Variants in CCDC38 observed in about 807,000 individuals in gnomAD.
The protein encoded by CCDC38 is coiled-coil domain-containing protein 38.
In CCDC38, 69 loss-of-function variants were observed where a neutral mutation model predicts 72.8. That is an observed-to-expected ratio of 0.95 (90% CI 0.78 to 1.16). The LOEUF (loss-of-function observed/expected upper bound fraction) is 1.16. Ranked by LOEUF, CCDC38 falls within the 50% of genes most tolerant of loss-of-function variation. The probability of loss-of-function intolerance (pLI) is 0.00; values close to 1 mark genes in which losing one functional copy is unlikely to be tolerated. For missense variants in CCDC38, 626 were observed against 638.9 expected (o/e 0.98, Z 0.22); for synonymous variants, 201 against 213.2 (o/e 0.94, Z 0.50).
At position 95,917,289 on chromosome 12, in the gene CCDC38, T is replaced by C. The variant is rs770065319; in HGVS notation, c.144A>G (p.Lys48=). 13 of 1,590,890 alleles carry C rather than the reference T, an allele frequency of 8.2e-6. No individual in the cohort carries two copies. In the African/African-American group the frequency reaches 1.6e-4, roughly 20 times the overall value. ...AGACTTTCATGTTACGGTTCATAAA[T>C]TTTTCCTGCCCAAGTGGAAAAGTTG... The part of the protein sequence containing the change: ...ENEMAAKETE[K]FMNRNMKVYQ... Residue 48 remains lysine, a synonymous_variant, in exon 4 of 16, where the codon AAA becomes AAG. Coordinates refer to ENST00000344280, the MANE Select transcript of CCDC38 (RefSeq NM_182496.3).
chr12:95,915,005 A>G (rs1206486168), intron 4 of CCDC38, among the ~76,000 whole-genome samples: 1 of 152,208 alleles, frequency 6.6e-6, no homozygotes, highest in Admixed American at 6.5e-5. Context: ...TGTAGCTTTC[A>G]TTTGATCATT....
rs759270278 is a variant in CCDC38 at position 95,878,337 on chromosome 12, G to A, written c.1152C>T (p.Asn384=). ...TTTCTTGCTCCAAAAGAAACTCTAT[G>A]TTGCTATTTCTATTACAAAAGAAGA... ...EKVIQDKTNS[N]IEFLLEQEKM... Residue 384 remains asparagine, a synonymous_variant, in exon 13 of 16, where the codon AAC becomes AAT. Transcript: ENST00000344280. The A allele has an allele frequency of 6.2e-7, 1 of 1,611,280 alleles. No individual in the cohort carries two copies.
At chr12:95,902,061 A>G (rs2079955826) in intron 5 of CCDC38, among the ~76,000 whole-genome samples, 1 of 152,154 alleles carries the variant, frequency 6.6e-6, no homozygotes, top group Non-Finnish European at 1.5e-5. Context: ...TGATATCTAA[A>G]GAGGGTTTTT....
At position 95,939,802 on chromosome 12, in the gene CCDC38, G is replaced by A. The variant is rs2080430335; in HGVS notation, c.-15+2629C>T. On this transcript the variant is annotated intron_variant, in intron 1 of 15. Coordinates refer to ENST00000344280, the MANE Select transcript of CCDC38 (RefSeq NM_182496.3). ...TAATTGTTGTGTTCCTTTAATAGCT[G>A]TACAATTATATGTGGTCTCTGAGTC... Among the ~76,000 whole-genome samples, 3 of 152,182 alleles carry A rather than the reference G, an allele frequency of 2.0e-5. No homozygotes were observed. In the South Asian group the frequency reaches 6.2e-4, roughly 31 times the overall value.
At chr12:95,905,117 A>T in intron 5 of CCDC38, among the ~76,000 whole-genome samples, 1 of 152,230 alleles carries the variant, frequency 6.6e-6, no homozygotes, top group East Asian at 1.9e-4. Context: ...ACCAATGTAA[A>T]TGCTATATAT....
chr12:95,888,248 T>C (rs2079782221), intron 10 of CCDC38, among the ~76,000 whole-genome samples: 1 of 152,180 alleles, frequency 6.6e-6, no homozygotes, highest in African/African-American at 2.4e-5. Flanking sequence ...GCGGGGCAGA[T>C]AGCTTCTGCA....
chr12:95,887,248 A>G (rs1266102322), intron 10 of CCDC38, among the ~76,000 whole-genome samples: 3 of 152,164 alleles, frequency 2.0e-5, no homozygotes, highest in South Asian at 2.1e-4. Flanking sequence ...CCAATCAGGC[A>G]TTACATTATA....
At chr12:95,867,485 C>G (rs936361339) in intron 15 of CCDC38, among the ~76,000 whole-genome samples, 2 of 152,188 alleles carry the variant, frequency 1.3e-5, no homozygotes, top group South Asian at 2.1e-4. Context: ...TGTGGTCAGC[C>G]TAGAAAAGCA....
chr12:95,924,716 A>G (rs2080249288), intron 2 of CCDC38, among the ~76,000 whole-genome samples: 1 of 151,256 alleles, frequency 6.6e-6, no homozygotes, highest in African/African-American at 2.4e-5. Flanking sequence ...TAATTTTTGT[A>G]TAAGGGGTAA....
intron 1 of CCDC38, among the ~76,000 whole-genome samples, chr12:95,940,158 C>G (rs556390983): frequency 1.9e-4 from 29 of 152,254 alleles, no homozygotes; most frequent in African/African-American, 7.0e-4. Context: ...TGTCAACTGC[C>G]GCCATTTGAA....
Position 95,906,447 on chromosome 12 carries a change from G to A in CCDC38, c.309C>T (p.Ser103=), listed in dbSNP as rs752303324. ...PAPIPRLIEG[S]DTKRTVHEFI... The stretch of plus-strand genomic sequence containing the variant: ...ATTCATGGACAGTCCTTTTTGTGTC[G>A]GAACCTGTGAAGAAAGTTGAAATAG... Residue 103 remains serine, a synonymous_variant, in exon 5 of 16, where the codon TCC becomes TCT. Transcript: ENST00000344280. 12 of 1,610,636 alleles carry A rather than the reference G, an allele frequency of 7.5e-6. No homozygotes were observed. Among genetic ancestry groups the A allele is most frequent in the South Asian group, 2.2e-5 (2 of 90,676 alleles).
At position 95,890,826 on chromosome 12, in the gene CCDC38, C is replaced by A. The variant is rs778568140; in HGVS notation, c.871+6G>T. On this transcript the variant is annotated splice_donor_region_variant and intron_variant, in intron 9 of 15. Coordinates refer to ENST00000344280, the MANE Select transcript of CCDC38 (RefSeq NM_182496.3). ...TTACTTTCATGAGTCCCAAATCTAC[C>A]TTTACCTTGGCTGTCTCTTCCCTGA... The A allele has an allele frequency of 5.1e-6, 8 of 1,570,826 alleles. No homozygotes were observed. The highest frequency in any genetic ancestry group is 1.4e-5 in the African/African-American group (1 of 73,702).
At chr12:95,912,123 C>T (rs2080100868) in intron 4 of CCDC38, among the ~76,000 whole-genome samples, 1 of 152,140 alleles carries the variant, frequency 6.6e-6, no homozygotes, top group Non-Finnish European at 1.5e-5. Flanking sequence ...AACAGAAAAG[C>T]AAATACTGCA....
chr12:95,922,312 G>C (rs939570669), intron 2 of CCDC38, among the ~76,000 whole-genome samples: 1 of 152,196 alleles, frequency 6.6e-6, no homozygotes, highest in Admixed American at 6.5e-5. Flanking sequence ...CTGGACATAT[G>C]AGACTGAAAG....
chr12:95,931,277 T>A (rs570992295), intron 2 of CCDC38, among the ~76,000 whole-genome samples: 3 of 152,348 alleles, frequency 2.0e-5, no homozygotes, highest in African/African-American at 7.2e-5. Flanking sequence ...CTTTAGCCTC[T>A]ACTTCCATTG....
At chr12:95,932,955 G>C (rs958953849) in intron 2 of CCDC38, among the ~76,000 whole-genome samples, 1 of 152,124 alleles carries the variant, frequency 6.6e-6, no homozygotes, top group Non-Finnish European at 1.5e-5. Flanking sequence ...GGGGAAAGGA[G>C]AGACTGTTCA....
rs200076553 is a variant in CCDC38, at chr12:95,872,385, C to G, written c.1354G>C (p.Gly452Arg). The change falls in exon 14 of 16, where the codon GGC (glycine) becomes CGC (arginine). Residue 452 changes from glycine (G) to arginine (R), a missense_variant. Gly to Arg is a moderately radical substitution (Grantham distance 125). Transcript: ENST00000344280. ...KVCIGDAEDD[G>R]LNPIQKLVKV... The stretch of plus-strand genomic sequence containing the variant: ...ACCAGCTTTTGAATTGGGTTGAGGC[C>G]GTCATCCTCAGCATCTCCAATGCAG... The G allele has an allele frequency of 1.2e-6, 2 of 1,614,030 alleles. No individual in the cohort carries two copies. Among genetic ancestry groups the G allele is most frequent in the Middle Eastern group, 3.3e-4 (2 of 6,062 alleles).
rs1010683958 is a variant in CCDC38 at position 95,881,267 on chromosome 12, C to T, written c.990+218G>A. On this transcript the variant is annotated intron_variant, in intron 11 of 15. Coordinates refer to ENST00000344280, the MANE Select transcript of CCDC38 (RefSeq NM_182496.3). The stretch of plus-strand genomic sequence containing the variant: ...TTATATATATATAAAATATATATAT[C>T]CTAAATCATTACCTTCTTCTAGATA... Among the ~76,000 whole-genome samples the T allele has an allele frequency of 7.9e-4, 118 of 148,874 alleles. 2 individuals carry two copies. Among genetic ancestry groups the T allele is most frequent in the Middle Eastern group, 3.6e-3 (1 of 280 alleles).
At chr12:95,936,745 C>A (rs2080398748) in intron 1 of CCDC38, among the ~76,000 whole-genome samples, 1 of 152,140 alleles carries the variant, frequency 6.6e-6, no homozygotes, top group African/African-American at 2.4e-5. Context: ...TGTTCAATGT[C>A]ATTTCATAAA....
Sources: gnomAD v4.1 joint callset for allele counts (sites outside exome capture counted in the v4.1 genomes callset) on GRCh38, gnomAD v4.1.1 for gene constraint, MANE v1.5 for transcripts, NCBI Gene and HGNC (gene_info 2026-07-23, HGNC 2026-07-21) for gene names.